The following CCDC148 variants were observed in gnomAD, a reference collection of about 807,000 sequenced individuals.
CCDC148 encodes the protein coiled-coil domain containing 148.
A neutral mutation model predicts 85.7 loss-of-function variants in CCDC148; 89 were observed. The observed-to-expected ratio is 1.04, with a 90% CI of 0.87 to 1.24. The LOEUF is 1.24. Ranked by LOEUF, CCDC148 falls within the 50% of genes most tolerant of loss-of-function variation. The pLI is 0.00. For missense variants in CCDC148, 692 were observed against 671.7 expected, an observed-to-expected ratio of 1.03 and a Z score of -0.33; for synonymous variants, 230 against 213.9, an observed-to-expected ratio of 1.08 and a Z score of -0.66.
intron 5 of CCDC148, among the ~76,000 whole-genome samples, chr2:158,339,699 A>C (rs989990156): frequency 3.3e-5 from 5 of 152,136 alleles, no homozygotes. Flanking sequence ...AGGACATTTG[A>C]GCCAAGATCT....
At chr2:158,354,484 T>C (rs1216383359) in intron 2 of CCDC148, among the ~76,000 whole-genome samples, 4 of 151,778 alleles carry the variant, frequency 2.6e-5, no homozygotes, top group Non-Finnish European at 5.9e-5. Flanking sequence ...CTAGAAGAAA[T>C]GGATAAATTC....
intron 10 of CCDC148, among the ~76,000 whole-genome samples, chr2:158,246,891 C>T (rs1412941474): frequency 6.6e-6 from 1 of 152,100 alleles, no homozygotes; most frequent in African/African-American, 2.4e-5. Flanking sequence ...TGTTTCCAGG[C>T]CAAAGGGTAA....
At chr2:158,364,300 G>GA (rs1458091995) in intron 1 of CCDC148, among the ~76,000 whole-genome samples, 17 of 152,072 alleles carry the variant, frequency 1.1e-4, no homozygotes, top group Non-Finnish European at 2.4e-4. Flanking sequence ...CACAGAATTG[G>GA]AAAAAACTAC....
At chr2:158,194,490 C>T (rs942842052) in intron 11 of CCDC148, among the ~76,000 whole-genome samples, 2 of 152,084 alleles carry the variant, frequency 1.3e-5, no homozygotes, top group Non-Finnish European at 2.9e-5. Flanking sequence ...TCTCAGAAAG[C>T]GGTGAGTAGA....
At chr2:158,288,790 T>A (rs530512480) in intron 9 of CCDC148, 2 of 397,098 alleles carry the variant, frequency 5.0e-6, no homozygotes. Flanking sequence ...GGTACCAATT[T>A]ACTGTATTAG....
chr2:158,183,883 G>T (rs1685027497), intron 11 of CCDC148, among the ~76,000 whole-genome samples: 1 of 152,114 alleles, frequency 6.6e-6, no homozygotes, highest in South Asian at 2.1e-4. Context: ...TTACTCAGGA[G>T]GTTGTTCTTC....
At chr2:158,420,528 A>T (rs1198905328) in intron 1 of CCDC148, among the ~76,000 whole-genome samples, 1 of 152,174 alleles carries the variant, frequency 6.6e-6, no homozygotes, top group Non-Finnish European at 1.5e-5. Flanking sequence ...TTTACAGACA[A>T]GCAAATACTG....
At chr2:158,292,306 C>T (rs772842171) in intron 9 of CCDC148, among the ~76,000 whole-genome samples, 3 of 152,056 alleles carry the variant, frequency 2.0e-5, no homozygotes, top group Admixed American at 6.5e-5. Flanking sequence ...ATCAGCTTGG[C>T]AAGGAATACC....
In CCDC148 at chr2:158,400,360, C is replaced by T. The variant is rs932457166; in HGVS notation, c.26-41790G>A. Among the ~76,000 whole-genome samples the T allele has an allele frequency of 6.6e-5, 10 of 152,076 alleles. No homozygotes were observed. The East Asian group carries it at 1.7e-3, about 26-fold the overall frequency. On this transcript the variant is annotated intron_variant, in intron 1 of 13. Transcript: ENST00000283233. Reference sequence around the variant, plus strand: ...AGCATGGTACTGGTACCAAAACAGACATATAGACCAATGGAACAGAACAGA... The same window carrying T: ...AGCATGGTACTGGTACCAAAACAGATATATAGACCAATGGAACAGAACAGA...
At chr2:158,229,028 CA>C (rs1254422432) in intron 10 of CCDC148, among the ~76,000 whole-genome samples, 2 of 151,698 alleles carry the variant, frequency 1.3e-5, no homozygotes, top group Non-Finnish European at 2.9e-5. Flanking sequence ...ACAGCCTTCT[CA>C]AATACAGGCA....
At chr2:158,237,505 C>G (rs115275099) in intron 10 of CCDC148, among the ~76,000 whole-genome samples, 1 of 151,950 alleles carries the variant, frequency 6.6e-6, no homozygotes, top group Non-Finnish European at 1.5e-5. Context: ...AACAGGTAAG[C>G]GTATAAGGGC....
chr2:158,172,253 A>C lies in CCDC148; in HGVS notation c.1636T>G (p.Ser546Ala), dbSNP rs144120637. Residue 546 changes from serine (S) to alanine (A), a missense_variant, in exon 14 of 14, where the codon TCT becomes GCT. Coordinates refer to ENST00000283233, the MANE Select transcript of CCDC148 (RefSeq NM_138803.4). ...LNTYNEQQIISDPRLRFELAL... is the reference protein window; with the variant it reads ...LNTYNEQQIIADPRLRFELAL... ...AACTCGAAGCGAAGTCTAGGGTCAG[A>C]AATTATCTGTAGAAATAAAAATACA... 1.7e-4 allele frequency: 276 copies of C among 1,597,062 alleles called. 2 individuals are homozygous for C. In the African/African-American group the frequency reaches 3.5e-3, roughly 20 times the overall value.
intron 1 of CCDC148, among the ~76,000 whole-genome samples, chr2:158,422,216 G>A (rs1187320683): frequency 6.6e-6 from 1 of 152,092 alleles, no homozygotes. Flanking sequence ...GAAAAAGAGG[G>A]AATCCTCCCT....
intron 1 of CCDC148, among the ~76,000 whole-genome samples, chr2:158,360,693 A>T (rs927107985): frequency 2.6e-5 from 4 of 152,152 alleles, no homozygotes; most frequent in Non-Finnish European, 5.9e-5. Context: ...AAGACCAAAG[A>T]TAGATAAATC....
chr2:158,404,867 G>A (rs925658593), intron 1 of CCDC148, among the ~76,000 whole-genome samples: 4 of 152,160 alleles, frequency 2.6e-5, no homozygotes, highest in Admixed American at 2.0e-4. Flanking sequence ...AAACTTATAA[G>A]AGTGGAATCA....
chr2:158,398,368 T>C (rs1042970275), intron 1 of CCDC148, among the ~76,000 whole-genome samples: 12 of 152,178 alleles, frequency 7.9e-5, no homozygotes, highest in East Asian at 1.9e-4. Flanking sequence ...ATTGACCACA[T>C]AGTTGGAAGT....
At chr2:158,182,989 T>C (rs983188524) in intron 11 of CCDC148, among the ~76,000 whole-genome samples, 3 of 152,156 alleles carry the variant, frequency 2.0e-5, no homozygotes, top group African/African-American at 4.8e-5. Flanking sequence ...TGAAAGTCAA[T>C]GTCAGGAAGT....
intron 4 of CCDC148, 43 bp downstream of exon 4, chr2:158,340,555 A>G (rs1682630358): frequency 6.8e-7 from 1 of 1,462,756 alleles, no homozygotes; most frequent in Admixed American, 2.1e-5. Flanking sequence ...CTCATTCTTC[A>G]AAATAAAACT....
rs1002287185 is a variant in CCDC148 at position 158,441,933 on chromosome 2, A to G, written c.25+14482T>C. Among the ~76,000 whole-genome samples the G allele has an allele frequency of 5.3e-5, 8 of 152,276 alleles. No individual in the cohort carries two copies. In the East Asian group the frequency reaches 1.5e-3, roughly 29 times the overall value. On this transcript the variant is annotated intron_variant, in intron 1 of 13. Coordinates refer to ENST00000283233, the MANE Select transcript of CCDC148 (RefSeq NM_138803.4). ...ACATATTTGTTATGCTCACTCTACC[A>G]AAGATTTGGCATAATGGTACTTCTT...
Sources: allele counts gnomAD v4.1 joint callset (sites outside exome capture counted in the v4.1 genomes callset), GRCh38; gene constraint gnomAD v4.1.1; transcripts MANE v1.5; gene names NCBI Gene and HGNC (gene_info 2026-07-23, HGNC 2026-07-21).